The following IQCM variants were observed in gnomAD, a reference collection of about 807,000 sequenced individuals.
IQCM encodes IQ domain-containing protein M.
Under a neutral mutation model 57.6 loss-of-function variants are expected in IQCM, and 45 were observed. The ratio of observed to expected loss-of-function variants is 0.78; its 90% confidence interval spans 0.62 to 1.00. The LOEUF is 1.00. Among genes scored for constraint, IQCM ranks in the 50% least tolerant of loss-of-function variants. The pLI, the probability that IQCM is intolerant of heterozygous loss-of-function variation, is 0.00. For missense variants in IQCM, 468 were observed against 511.6 expected, an observed-to-expected ratio of 0.91 and a Z score of 0.82; for synonymous variants, 148 against 158.9, an observed-to-expected ratio of 0.93 and a Z score of 0.51.
intron 2 of IQCM, among the ~76,000 whole-genome samples, chr4:149,813,853 C>G (rs138281458): frequency 1.3e-5 from 2 of 152,006 alleles, no homozygotes; most frequent in South Asian, 4.1e-4. Context: ...ATTCCAGAGT[C>G]CTTAGCACAG....
At chr4:149,433,111 T>C (rs1032144348) in intron 13 of IQCM, among the ~76,000 whole-genome samples, 2 of 152,120 alleles carry the variant, frequency 1.3e-5, no homozygotes, top group South Asian at 2.1e-4. Context: ...TGAACATGAA[T>C]GTTCATAGCA....
intron 2 of IQCM, among the ~76,000 whole-genome samples, chr4:149,797,016 C>T (rs1231268996): frequency 6.6e-6 from 1 of 152,038 alleles, no homozygotes; most frequent in African/African-American, 2.4e-5. Context: ...AAAATAACAC[C>T]TACGAAGTAT....
At chr4:149,671,886 C>T (rs1443851823) in intron 7 of IQCM, among the ~76,000 whole-genome samples, 1 of 152,080 alleles carries the variant, frequency 6.6e-6, no homozygotes, top group Non-Finnish European at 1.5e-5. Flanking sequence ...CTGAGGAGTG[C>T]TTTACTTCCA....
intron 13 of IQCM, among the ~76,000 whole-genome samples, chr4:149,386,034 C>G (rs1165322355): frequency 6.6e-6 from 1 of 151,934 alleles, no homozygotes; most frequent in African/African-American, 2.4e-5. Context: ...ATTTAAAATC[C>G]TTCATTGGCT....
chr4:149,369,544 T>G (rs554560085), intron 13 of IQCM, among the ~76,000 whole-genome samples: 35 of 152,320 alleles, frequency 2.3e-4, no homozygotes, highest in African/African-American at 7.7e-4. Flanking sequence ...GTCATAAAAG[T>G]GGTATAGCAT....
intron 2 of IQCM, among the ~76,000 whole-genome samples, chr4:149,791,290 T>C (rs1421885111): frequency 6.6e-6 from 1 of 152,154 alleles, no homozygotes; most frequent in Non-Finnish European, 1.5e-5. Context: ...ACTTAAAAAA[T>C]TATTATAGAT....
At chr4:149,448,952 G>C (rs1333138426) in intron 12 of IQCM, among the ~76,000 whole-genome samples, 2 of 151,600 alleles carry the variant, frequency 1.3e-5, no homozygotes, top group Non-Finnish European at 2.9e-5. Context: ...GAATAGGAAG[G>C]AATGTTTCCC....
intron 13 of IQCM, among the ~76,000 whole-genome samples, chr4:149,408,965 C>G (rs531476205): frequency 7.2e-5 from 11 of 152,266 alleles, no homozygotes; most frequent in African/African-American, 2.6e-4. Flanking sequence ...ACATCGCAAC[C>G]TTTAACAAAA....
chr4:149,540,696 A>G (rs541838169), intron 12 of IQCM, among the ~76,000 whole-genome samples: 2 of 152,268 alleles, frequency 1.3e-5, no homozygotes, highest in South Asian at 4.1e-4. Context: ...TATTCTATTA[A>G]TGAAGAAGAT....
In IQCM at chr4:149,382,706, G is replaced by A. The variant is rs188832355; in HGVS notation, c.1391-30640C>T. On this transcript the variant is annotated intron_variant, in intron 13 of 13. Transcript: ENST00000636793. ...GAGAAGAAAGGAAAAACCTCCTGCC[G>A]AATAGAAGGGAATAATCCCTTGTAA... Among the ~76,000 whole-genome samples, 93 of 152,082 alleles carry A rather than the reference G, an allele frequency of 6.1e-4. 1 individual carries two copies. Among genetic ancestry groups the A allele is most frequent in the African/African-American group, 1.2e-3 (50 of 41,500 alleles).
At chr4:149,735,544 A>C in intron 3 of IQCM, 86 bp from the exon 4 acceptor site, 1 of 514,740 alleles carries the variant, frequency 1.9e-6, no homozygotes, top group Admixed American at 4.4e-5. Context: ...AAGCAAAAGA[A>C]ATACAATGAT....
At chr4:149,563,939 T>G in intron 9 of IQCM, 49 bp from the exon 10 acceptor site, 1 of 889,736 alleles carries the variant, frequency 1.1e-6, no homozygotes, top group East Asian at 3.3e-5. Flanking sequence ...AAAATTAACC[T>G]TCCACAAACA....
At chr4:149,597,962 C>A (rs542576179) in intron 8 of IQCM, among the ~76,000 whole-genome samples, 1 of 152,114 alleles carries the variant, frequency 6.6e-6, no homozygotes, top group Non-Finnish European at 1.5e-5. Context: ...GACATATTAC[C>A]TACAAAAGAG....
chr4:149,720,823 AAG>A (rs1364110669), intron 5 of IQCM, among the ~76,000 whole-genome samples: 1 of 152,212 alleles, frequency 6.6e-6, no homozygotes, highest in African/African-American at 2.4e-5. Flanking sequence ...ATTTCACAAT[AAG>A]GATCTGTTTT....
intron 9 of IQCM, among the ~76,000 whole-genome samples, chr4:149,578,047 T>G (rs1751829776): frequency 6.6e-6 from 1 of 151,784 alleles, no homozygotes; most frequent in Non-Finnish European, 1.5e-5. Context: ...ATAGAAATAC[T>G]ACTGACTTTG....
Position 149,397,526 on chromosome 4 carries a change from G to A in IQCM, c.1390+35870C>T, listed in dbSNP as rs530978781. ...GCACTTCCCCTTCAGTCTCTCTCTCGCTGCCATGTAAGATGTGCCTTGCTT... is the reference window on the plus strand; with the variant it reads ...GCACTTCCCCTTCAGTCTCTCTCTCACTGCCATGTAAGATGTGCCTTGCTT... On this transcript the variant is annotated intron_variant, in intron 13 of 13. Coordinates refer to ENST00000636793, the MANE Select transcript of IQCM (RefSeq NM_001363507.2). Among the ~76,000 whole-genome samples, 75 of 151,838 alleles carry A rather than the reference G, an allele frequency of 4.9e-4. 1 individual carries two copies. In the South Asian group the frequency reaches 0.015, roughly 31 times the overall value.
intron 13 of IQCM, among the ~76,000 whole-genome samples, chr4:149,378,361 A>G (rs1730837540): frequency 6.6e-6 from 1 of 152,172 alleles, no homozygotes; most frequent in Non-Finnish European, 1.5e-5. Flanking sequence ...AAAATGTGCG[A>G]AAGTTTGGAA....
At chr4:149,615,173 T>G (rs1011549004) in intron 8 of IQCM, among the ~76,000 whole-genome samples, 2 of 152,276 alleles carry the variant, frequency 1.3e-5, no homozygotes, top group Admixed American at 6.5e-5. Context: ...CTACATTATA[T>G]GTTCCATGAT....
intron 12 of IQCM, among the ~76,000 whole-genome samples, chr4:149,446,641 T>C (rs779487295): frequency 6.6e-5 from 10 of 151,646 alleles, no homozygotes; most frequent in Non-Finnish European, 1.3e-4. Context: ...TTATTAACTG[T>C]AGCATTAGAT....
Sources: allele counts gnomAD v4.1 joint callset (sites outside exome capture counted in the v4.1 genomes callset), GRCh38; gene constraint gnomAD v4.1.1; transcripts MANE v1.5; gene names NCBI Gene and HGNC (gene_info 2026-07-23, HGNC 2026-07-21).